The following SORCS1 variants were observed in gnomAD, a reference collection of about 807,000 sequenced individuals.
The protein encoded by SORCS1 is VPS10 domain-containing receptor SorCS1.
SORCS1 carries 60 observed loss-of-function variants against 146.1 expected under a neutral mutation model. The observed-to-expected ratio is 0.41, with a 90% CI of 0.33 to 0.51. SORCS1 has a LOEUF of 0.51. Ranked by LOEUF, SORCS1 falls within the 20% of genes least tolerant of loss-of-function variation. SORCS1 has a pLI of 0.21. For missense variants in SORCS1, 1,352 were observed against 1,487.6 expected, an observed-to-expected ratio of 0.91 and a Z score of 1.50; for synonymous variants, 637 against 584.0, an observed-to-expected ratio of 1.09 and a Z score of -1.31.
At chr10:106,950,856 A>G (rs766998109) in intron 2 of SORCS1, among the ~76,000 whole-genome samples, 5 of 152,130 alleles carry the variant, frequency 3.3e-5, no homozygotes, top group Non-Finnish European at 4.4e-5. Context: ...ACACATGTCT[A>G]ACACTCAGCA....
At chr10:107,117,690 CT>C (rs1308207020) in intron 1 of SORCS1, among the ~76,000 whole-genome samples, 1 of 152,200 alleles carries the variant, frequency 6.6e-6, no homozygotes, top group East Asian at 1.9e-4. Flanking sequence ...GTAGTTTCAA[CT>C]TACTTGGCCT....
At chr10:106,976,211 GTTT>G (rs751512315) in intron 1 of SORCS1, among the ~76,000 whole-genome samples, 1 of 134,360 alleles carries the variant, frequency 7.4e-6, no homozygotes, top group Non-Finnish European at 1.6e-5. Context: ...TGCTTCATCT[GTTT>G]TTTTTTTTTT....
intron 17 of SORCS1, among the ~76,000 whole-genome samples, chr10:106,666,591 C>T (rs551136688): frequency 1.5e-4 from 23 of 148,546 alleles, no homozygotes; most frequent in East Asian, 3.9e-4. Flanking sequence ...GAGTCTTACT[C>T]GGTCACCCAG....
intron 24 of SORCS1, among the ~76,000 whole-genome samples, chr10:106,591,680 A>T (rs1426208802): frequency 6.6e-6 from 1 of 152,224 alleles, no homozygotes; most frequent in Non-Finnish European, 1.5e-5. Context: ...ACTATATCCA[A>T]AAGAAATTAA....
intron 6 of SORCS1, among the ~76,000 whole-genome samples, chr10:106,719,392 A>T (rs552553087): frequency 6.6e-6 from 1 of 150,428 alleles, no homozygotes; most frequent in East Asian, 2.0e-4. Context: ...ACATGTGGAT[A>T]TATTCAATGA....
intron 2 of SORCS1, among the ~76,000 whole-genome samples, chr10:106,928,838 AT>A (rs113884198): frequency 2.0e-5 from 3 of 151,778 alleles, no homozygotes; most frequent in African/African-American, 7.3e-5. Flanking sequence ...CCCAATACCT[AT>A]TTTTTATCTA....
At chr10:106,778,264 G>C (rs1860615873) in intron 3 of SORCS1, among the ~76,000 whole-genome samples, 1 of 152,028 alleles carries the variant, frequency 6.6e-6, no homozygotes, top group African/African-American at 2.4e-5. Flanking sequence ...GATGTAATGG[G>C]GTGAAGGCAA....
intron 2 of SORCS1, among the ~76,000 whole-genome samples, chr10:106,869,038 A>C (rs1950316209): frequency 1.3e-5 from 2 of 152,170 alleles, no homozygotes; most frequent in African/African-American, 4.8e-5. Flanking sequence ...AAATAAAAAT[A>C]ACCATCAGAA....
intron 4 of SORCS1, among the ~76,000 whole-genome samples, chr10:106,773,442 C>T (rs544806400): frequency 5.3e-5 from 8 of 152,304 alleles, no homozygotes; most frequent in Non-Finnish European, 7.3e-5. Flanking sequence ...CTAACGGCTG[C>T]GGCTCACTCC....
At chr10:106,806,505 C>CTTTCTTTTTT (rs1380725939) in intron 3 of SORCS1, among the ~76,000 whole-genome samples, 1 of 70,468 alleles carries the variant, frequency 1.4e-5, no homozygotes. Flanking sequence ...GAGAGGAAGC[C>CTTTCTTTTTT]TTTTTTTTTT....
intron 1 of SORCS1, among the ~76,000 whole-genome samples, chr10:107,160,542 G>T (rs1220573567): frequency 6.6e-6 from 1 of 152,162 alleles, no homozygotes; most frequent in East Asian, 1.9e-4. Flanking sequence ...TAGAAGCAAA[G>T]AGGTACACAG....
intron 1 of SORCS1, among the ~76,000 whole-genome samples, chr10:107,089,648 G>GA (rs1368109800): frequency 6.6e-6 from 1 of 151,834 alleles, no homozygotes; most frequent in Non-Finnish European, 1.5e-5. Context: ...ATAAACAAAT[G>GA]AAAAAAAGGT....
At chr10:106,901,387 C>A (rs532551555) in intron 2 of SORCS1, among the ~76,000 whole-genome samples, 50 of 152,120 alleles carry the variant, frequency 3.3e-4, no homozygotes, top group Non-Finnish European at 2.4e-4. Flanking sequence ...GAGAGGAAAA[C>A]ACATCAAGGT....
chr10:106,828,873 G>A (rs1279868482), intron 3 of SORCS1, among the ~76,000 whole-genome samples: 1 of 152,196 alleles, frequency 6.6e-6, no homozygotes, highest in East Asian at 1.9e-4. Context: ...GAAAAAGTAT[G>A]ACTGCTAACC....
chr10:106,742,162 T>A (rs1857410234), intron 5 of SORCS1, among the ~76,000 whole-genome samples: 1 of 152,158 alleles, frequency 6.6e-6, no homozygotes, highest in African/African-American at 2.4e-5. Flanking sequence ...GAGAGGCAAT[T>A]CCTGGGGTGC....
chr10:106,916,007 T>G (rs1365905471), intron 2 of SORCS1, among the ~76,000 whole-genome samples: 1 of 152,168 alleles, frequency 6.6e-6, no homozygotes. Flanking sequence ...CTATCGAGAC[T>G]TCCTTCTAAC....
chr10:106,956,767 A>G (rs1374077309), intron 1 of SORCS1, among the ~76,000 whole-genome samples, 187 bp from the exon 2 acceptor site: 1 of 152,228 alleles, frequency 6.6e-6, no homozygotes, highest in Non-Finnish European at 1.5e-5. Flanking sequence ...TGAATTGCTT[A>G]GGCCTATCCT....
At chr10:106,643,735 C>T (rs1849224886) in intron 18 of SORCS1, among the ~76,000 whole-genome samples, 1 of 152,246 alleles carries the variant, frequency 6.6e-6, no homozygotes, top group Admixed American at 6.5e-5. Flanking sequence ...TCTGTTCCCA[C>T]ATCACTCAAC....
chr10:106,889,929 G>A (rs1005302411), intron 2 of SORCS1, among the ~76,000 whole-genome samples: 7 of 145,408 alleles, frequency 4.8e-5, no homozygotes, highest in Admixed American at 6.8e-5. Flanking sequence ...CCTAGACCTA[G>A]CTTGATATTA....
Sources: gnomAD v4.1 joint callset for allele counts (sites outside exome capture counted in the v4.1 genomes callset) on GRCh38, gnomAD v4.1.1 for gene constraint, MANE v1.5 for transcripts, NCBI Gene and HGNC (gene_info 2026-07-23, HGNC 2026-07-21) for gene names.